The following ZFR variants were observed in gnomAD, a reference collection of about 807,000 sequenced individuals.
ZFR encodes the protein zinc finger RNA binding protein.
A neutral mutation model predicts 130.7 loss-of-function variants in ZFR; 19 were observed. The ratio of observed to expected loss-of-function variants is 0.15; its 90% CI spans 0.10 to 0.21. The LOEUF (loss-of-function observed/expected upper bound fraction) is 0.21, where lower values mean the gene tolerates loss of function less well. ZFR is among the 10% of genes least tolerant of loss of function. ZFR has a pLI of 1.00. For synonymous variants in ZFR, 466 were observed against 456.9 expected (o/e 1.02, Z -0.25); for missense variants, 872 against 1,321.5 (o/e 0.66, Z 5.27).
intron 3 of ZFR, among the ~76,000 whole-genome samples, chr5:32,418,185 G>A (rs554080673): frequency 4.6e-5 from 7 of 151,690 alleles, no homozygotes; most frequent in East Asian, 1.9e-4. Context: ...GCATGAACCC[G>A]GGAGGCGGAG....
intron 17 of ZFR, among the ~76,000 whole-genome samples, chr5:32,372,895 G>A (rs891303507): frequency 6.6e-6 from 1 of 151,698 alleles, no homozygotes; most frequent in Non-Finnish European, 1.5e-5. Context: ...AAAATTAAGA[G>A]GTATACATTA....
intron 5 of ZFR, 36 bp downstream of exon 5, chr5:32,414,933 T>C (rs1465969296): frequency 6.4e-7 from 1 of 1,554,822 alleles, no homozygotes; most frequent in Non-Finnish European, 8.8e-7. Flanking sequence ...TCTTCCTAAT[T>C]TGTTTACTCA....
chr5:32,443,837 CA>C (rs1241454003), intron 2 of ZFR, among the ~76,000 whole-genome samples: 2 of 152,254 alleles, frequency 1.3e-5, no homozygotes, highest in Admixed American at 1.3e-4. Flanking sequence ...CTCCATCCCC[CA>C]AGTGGGAAGA....
At position 32,388,540 on chromosome 5, in the gene ZFR, T is replaced by C. The variant is rs149670040; in HGVS notation, c.2277A>G (p.Ser759=). Residue 759 remains serine (S), a synonymous_variant, in exon 13 of 20, where the codon TCA becomes TCG. Transcript: ENST00000265069. ...SITERALKLV[S]DSLSEHEKNK... is the part of the protein sequence containing the mutation. ...TCTTCTCATGTTCAGACAAACTGTCTGAAACGAGTTTTAAAGCACGTTCAG... is the reference window on the plus strand; with the variant it reads ...TCTTCTCATGTTCAGACAAACTGTCCGAAACGAGTTTTAAAGCACGTTCAG... 6.8e-6 allele frequency: 11 copies of C among 1,613,970 alleles called. No homozygotes were observed. The highest frequency in any genetic ancestry group is 3.3e-4 in the Middle Eastern group (2 of 6,082).
chr5:32,409,763 G>A (rs1178601084), intron 5 of ZFR, among the ~76,000 whole-genome samples: 4 of 152,192 alleles, frequency 2.6e-5, no homozygotes, highest in Admixed American at 2.6e-4. Context: ...GATGGATACA[G>A]AGAGTGACTA....
At chr5:32,439,763 C>A (rs1019896072) in intron 2 of ZFR, among the ~76,000 whole-genome samples, 2 of 134,118 alleles carry the variant, frequency 1.5e-5, no homozygotes, top group Non-Finnish European at 1.5e-5. Flanking sequence ...CTATGATCAC[C>A]ACTACACTGC....
chr5:32,414,429 T>A (rs1753776131), intron 5 of ZFR, among the ~76,000 whole-genome samples: 1 of 152,172 alleles, frequency 6.6e-6, no homozygotes, highest in Non-Finnish European at 1.5e-5. Flanking sequence ...CCATTGTACC[T>A]CTCTGGGAGA....
At chr5:32,402,794 A>G (rs1418220327) in intron 8 of ZFR, among the ~76,000 whole-genome samples, 2 of 151,708 alleles carry the variant, frequency 1.3e-5, no homozygotes, top group African/African-American at 4.8e-5. Flanking sequence ...GAAAAAAAAA[A>G]AAACAAAAAA....
intron 2 of ZFR, among the ~76,000 whole-genome samples, chr5:32,433,890 G>A (rs139778450): frequency 1.1e-4 from 17 of 152,128 alleles, no homozygotes; most frequent in African/African-American, 3.9e-4. Flanking sequence ...AGACCAACCT[G>A]GGCAACATGG....
chr5:32,432,941 C>G (rs1055070927), intron 2 of ZFR, among the ~76,000 whole-genome samples: 2 of 151,154 alleles, frequency 1.3e-5, no homozygotes, highest in South Asian at 4.2e-4. Context: ...GCTATGCTAC[C>G]CAGGCTGGTC....
chr5:32,403,479 T>A (rs1753513596), intron 7 of ZFR, 82 bp from the exon 8 acceptor site: 2 of 1,484,134 alleles, frequency 1.3e-6, no homozygotes, highest in African/African-American at 2.8e-5. Context: ...AAAATGAAAA[T>A]CTAAACCATG....
chr5:32,434,624 AGTCTTT>A (rs1324381737), intron 2 of ZFR, among the ~76,000 whole-genome samples: 1 of 152,248 alleles, frequency 6.6e-6, no homozygotes, highest in Non-Finnish European at 1.5e-5. Context: ...CAATTATATT[AGTCTTT>A]AACATAGTTG....
intron 6 of ZFR, 106 bp from the exon 7 acceptor site, chr5:32,404,203 A>C: frequency 2.0e-6 from 2 of 1,012,412 alleles, no homozygotes; most frequent in Non-Finnish European, 2.8e-6. Flanking sequence ...ATGAGACCAA[A>C]ACAAACTTTT....
At chr5:32,367,782 A>T (rs189168125) in intron 17 of ZFR, among the ~76,000 whole-genome samples, 1 of 152,154 alleles carries the variant, frequency 6.6e-6, no homozygotes, top group East Asian at 1.9e-4. Context: ...TTCCCATCCC[A>T]TCTCCAGTTA....
Position 32,363,973 on chromosome 5 carries a change from C to A in ZFR, c.3020G>T (p.Arg1007Leu), listed in dbSNP as rs367873889. The change falls in exon 19 of 20, where the codon CGT (arginine) becomes CTT (leucine). Residue 1007 changes from arginine (R) to leucine (L), a missense_variant. Arg to Leu is a moderately radical substitution (Grantham distance 102). This residue lies in a region of ZFR where 158 missense variants were observed against 264.0 expected (regional missense o/e 0.60). Coordinates refer to ENST00000265069, the MANE Select transcript of ZFR (RefSeq NM_016107.5). The part of the protein sequence containing the change: ...DTLATMTDQQ[R>L]EDITSSAQFA... ...CTGTGCACTGGATGTGATGTCTTCA[C>A]GCTGCTGGTCAGTCATTGTTGCCAA... The A allele has an allele frequency of 6.2e-7, 1 of 1,614,056 alleles. No homozygotes were observed. The highest frequency in any genetic ancestry group is 8.5e-7 in the Non-Finnish European group (1 of 1,179,974).
At chr5:32,374,147 G>T (rs1561867271) in intron 17 of ZFR, among the ~76,000 whole-genome samples, 1 of 152,206 alleles carries the variant, frequency 6.6e-6, no homozygotes, top group Non-Finnish European at 1.5e-5. Context: ...GGTGGGTAGA[G>T]GGGACCAAAG....
intron 2 of ZFR, among the ~76,000 whole-genome samples, chr5:32,433,872 G>GGAGCTT (rs1754274454): frequency 2.6e-5 from 4 of 152,268 alleles, no homozygotes; most frequent in South Asian, 4.1e-4. Flanking sequence ...CTTGAATCCA[G>GGAGCTT]GAGCTTGAGA....
intron 2 of ZFR, among the ~76,000 whole-genome samples, chr5:32,425,505 A>G (rs1248100395): frequency 1.3e-5 from 2 of 152,236 alleles, no homozygotes; most frequent in African/African-American, 4.8e-5. Flanking sequence ...TTTCATAAGC[A>G]TATTTTTGGT....
intron 15 of ZFR, among the ~76,000 whole-genome samples, chr5:32,381,514 A>G (rs533798370): frequency 3.2e-4 from 49 of 152,272 alleles, no homozygotes; most frequent in Middle Eastern, 3.4e-3. Flanking sequence ...AATCGAATAT[A>G]TAAAATGAAT....
Sources: allele counts gnomAD v4.1 joint callset (sites outside exome capture counted in the v4.1 genomes callset), GRCh38; gene constraint gnomAD v4.1.1; regional missense constraint gnomAD v4.1.1; transcripts MANE v1.5; gene names NCBI Gene and HGNC (gene_info 2026-07-23, HGNC 2026-07-21).